The following USH2A variants were observed in gnomAD, a reference collection of about 807,000 sequenced individuals.
The protein encoded by USH2A is usherin.
A neutral mutation model predicts 538.9 loss-of-function variants in USH2A; 443 were observed. That is an observed-to-expected ratio of 0.82 (90% CI 0.76 to 0.89). USH2A has a LOEUF of 0.89. Among genes scored for constraint, USH2A ranks in the 40% least tolerant of loss-of-function variants. USH2A has a pLI of 0.00. For synonymous variants in USH2A, 2,413 were observed against 2,273.5 expected, an observed-to-expected ratio of 1.06 and a Z score of -1.75; for missense variants, 6,633 against 6,324.8, an observed-to-expected ratio of 1.05 and a Z score of -1.65.
In USH2A at chr1:216,062,608, G is replaced by A. The variant is rs150425523; in HGVS notation, c.6049+7493C>T. ...TATAGCAGTTCCATAATATAAATAA[G>A]GTTTTCATCCCCAATTTATGAATGA... is the stretch of plus-strand genomic sequence containing the variant. On this transcript the variant is annotated intron_variant, in intron 30 of 71. Coordinates refer to ENST00000307340, the MANE Select transcript of USH2A (RefSeq NM_206933.4). Among the ~76,000 whole-genome samples the A allele has an allele frequency of 2.8e-3, 423 of 152,010 alleles. 13 individuals are homozygous for A. Among genetic ancestry groups the A allele is most frequent in the Non-Finnish European group, 1.6e-3 (106 of 67,970 alleles).
At chr1:215,990,760 CT>C (rs35293238) in intron 35 of USH2A, among the ~76,000 whole-genome samples, 416 of 114,556 alleles carry the variant, frequency 3.6e-3, no homozygotes, top group African/African-American at 7.0e-3. Context: ...CTTAATTTTC[CT>C]TTTTTTTTTT....
At chr1:215,987,427 G>A (rs982910829) in intron 35 of USH2A, among the ~76,000 whole-genome samples, 5 of 152,154 alleles carry the variant, frequency 3.3e-5, no homozygotes, top group East Asian at 1.9e-4. Flanking sequence ...TCTTTTCAGC[G>A]GTTTTAAAAT....
chr1:216,045,524 C>T (rs1196353545), intron 32 of USH2A, among the ~76,000 whole-genome samples: 9 of 152,114 alleles, frequency 5.9e-5, no homozygotes, highest in African/African-American at 1.9e-4. Context: ...TCGTGTGGTA[C>T]AGAAGTAATT....
chr1:215,703,783 C>G (rs561332367), intron 61 of USH2A, among the ~76,000 whole-genome samples: 1 of 152,244 alleles, frequency 6.6e-6, no homozygotes, highest in Admixed American at 6.5e-5. Context: ...CAAGACCACA[C>G]GGCTCCCTGG....
At chr1:216,223,012 C>T (rs2035488128) in intron 14 of USH2A, among the ~76,000 whole-genome samples, 1 of 150,360 alleles carries the variant, frequency 6.7e-6, no homozygotes, top group Non-Finnish European at 1.5e-5. Flanking sequence ...TTGTAGGTTG[C>T]CTCTAAAAGC....
intron 55 of USH2A, among the ~76,000 whole-genome samples, chr1:215,774,094 T>G (rs1661383608): frequency 1.3e-5 from 2 of 152,248 alleles, no homozygotes; most frequent in South Asian, 4.1e-4. Flanking sequence ...ACTGTCCATT[T>G]TCTGTATTCA....
At chr1:215,782,659 A>T in intron 53 of USH2A, 79 bp downstream of exon 53, 1 of 1,465,750 alleles carries the variant, frequency 6.8e-7, no homozygotes, top group Non-Finnish European at 9.5e-7. Flanking sequence ...TAGGGCAATT[A>T]AATGTAGATT....
chr1:216,289,670 C>T (rs1354663031), intron 10 of USH2A, among the ~76,000 whole-genome samples: 3 of 152,070 alleles, frequency 2.0e-5, no homozygotes, highest in Non-Finnish European at 1.5e-5. Context: ...TTTATAGGGG[C>T]CCATACATTT....
chr1:215,629,004 C>T lies in USH2A; in HGVS notation c.15329G>A (p.Gly5110Glu), dbSNP rs1445054643. ...GTTGCTGCGGATACTCACAGGTGTC[C>T]CAGACCGGGGAATTTTGGTATCGGC... ...GLADTKIPRS[G>E]TPVSIRSNRS... The change falls in exon 71 of 72, where the codon GGG becomes GAG. Residue 5110 changes from glycine (G) to glutamate (E), a missense_variant. Transcript: ENST00000307340. 3.7e-6 allele frequency: 6 copies of T among 1,613,220 alleles called. No individual in the cohort carries two copies. The highest frequency in any genetic ancestry group is 1.3e-5 in the African/African-American group (1 of 74,860).
intron 11 of USH2A, among the ~76,000 whole-genome samples, chr1:216,267,301 T>G (rs2036492207): frequency 6.6e-6 from 1 of 152,058 alleles, no homozygotes; most frequent in Non-Finnish European, 1.5e-5. Context: ...TTGGAGACCT[T>G]AACAAGAAAA....
At chr1:216,038,486 A>G (rs1452810318) in intron 32 of USH2A, among the ~76,000 whole-genome samples, 3 of 136,704 alleles carry the variant, frequency 2.2e-5, no homozygotes, top group African/African-American at 8.7e-5. Context: ...AGCTTTTTGA[A>G]GACCCCCCCT....
rs759067576 is a variant in USH2A at position 215,771,579 on chromosome 1, C to CAAAAA, written c.10940-4796_10940-4792dup. On this transcript the variant is annotated intron_variant, in intron 55 of 71. Coordinates refer to ENST00000307340, the MANE Select transcript of USH2A (RefSeq NM_206933.4). ...TGGGCGACAGAGCGAGACTCCGTCTCAAAAAAAAAAAAAAAAAAAAAAAAA... is the reference window on the plus strand; with the variant it reads ...TGGGCGACAGAGCGAGACTCCGTCTCAAAAAAAAAAAAAAAAAAAAAAAAAAAAAA... Among the ~76,000 whole-genome samples, 297 of 43,994 alleles carry CAAAAA rather than the reference C, an allele frequency of 6.8e-3. 54 individuals carry two copies. Among genetic ancestry groups the CAAAAA allele is most frequent in the East Asian group, 0.01 (9 of 892 alleles). 28.9% of individuals were successfully genotyped at this position (43,994 alleles called of 152,430 possible).
chr1:216,120,219 C>CAAAAAAAAAAAAAAAAAAAAAAA (rs10525093), intron 21 of USH2A, among the ~76,000 whole-genome samples: 3 of 100,070 alleles, frequency 3.0e-5, no homozygotes, highest in Admixed American at 1.2e-4. Flanking sequence ...TACTAAATAG[C>CAAAAAAAAAAAAAAAAAAAAAAA]AAAAAAAAAA....
Position 216,004,887 on chromosome 1 carries a change from G to T in USH2A, c.6326-4325C>A, listed in dbSNP as rs80029949. Among the ~76,000 whole-genome samples the T allele has an allele frequency of 3.9e-5, 6 of 152,274 alleles. No homozygotes were observed. In the East Asian group the frequency reaches 1.2e-3, roughly 29 times the overall value. On this transcript the variant is annotated intron_variant, in intron 32 of 71. Transcript: ENST00000307340. ...ACAATCTATAGTAATGGGAGGGGAT[G>T]CAGACTATGTGGGTGCCAATACTGG...
At chr1:216,019,065 A>G (rs1171824455) in intron 32 of USH2A, among the ~76,000 whole-genome samples, 2 of 152,168 alleles carry the variant, frequency 1.3e-5, no homozygotes, top group Admixed American at 6.5e-5. Context: ...TTATTTTGCT[A>G]TATAGACAAT....
chr1:216,333,263 G>A (rs1397820209), intron 4 of USH2A, among the ~76,000 whole-genome samples: 1 of 151,842 alleles, frequency 6.6e-6, no homozygotes, highest in East Asian at 1.9e-4. Flanking sequence ...GAAACGTAGT[G>A]AGACCTCATT....
chr1:215,738,025 G>A (rs944321892), intron 60 of USH2A, among the ~76,000 whole-genome samples: 1 of 151,968 alleles, frequency 6.6e-6, no homozygotes, highest in Non-Finnish European at 1.5e-5. Flanking sequence ...TTTATTTAAA[G>A]AGAAAGCTCA....
chr1:216,326,641 T>C (rs2037738923), intron 5 of USH2A, among the ~76,000 whole-genome samples: 1 of 152,116 alleles, frequency 6.6e-6, no homozygotes, highest in Non-Finnish European at 1.5e-5. Flanking sequence ...TAACACTGTG[T>C]TCCAGGGCCA....
chr1:216,411,016 G>A (rs960772389), intron 3 of USH2A, among the ~76,000 whole-genome samples: 2 of 151,902 alleles, frequency 1.3e-5, no homozygotes, highest in East Asian at 1.9e-4. Flanking sequence ...CATATCATAC[G>A]TTTTCCTTCC....
Sources: gnomAD v4.1 joint callset for allele counts (sites outside exome capture counted in the v4.1 genomes callset) on GRCh38, gnomAD v4.1.1 for gene constraint, MANE v1.5 for transcripts, NCBI Gene and HGNC (gene_info 2026-07-23, HGNC 2026-07-21) for gene names.